GEMIN7: variants seen among roughly 807,000 people sequenced by gnomAD.
The protein encoded by GEMIN7 is gem-associated protein 7.
A neutral mutation model predicts 7.8 loss-of-function variants in GEMIN7; 7 were observed. The observed-to-expected ratio is 0.90, with a 90% confidence interval of 0.51 to 1.69. The LOEUF (loss-of-function observed/expected upper bound fraction) is 1.69, where lower values mean the gene tolerates loss of function less well. Ranked by LOEUF, GEMIN7 falls within the 40% of genes most tolerant of loss-of-function variation. GEMIN7 has a pLI of 0.00. For missense variants in GEMIN7, 159 were observed against 176.2 expected (o/e 0.90, Z 0.55); for synonymous variants, 68 against 72.4 (o/e 0.94, Z 0.31).
In GEMIN7 at chr19:45,080,521, GC is replaced by G. The variant is rs1414861668; in HGVS notation, c.-9+493del. On this transcript the variant is annotated intron_variant, in intron 2 of 2. Coordinates refer to ENST00000270257, the MANE Select transcript of GEMIN7 (RefSeq NM_024707.3). ...CTCCTGCGTAGCTGGGATTACAGAT[GC>G]GTGCCACCACATCCAGCTAATTTTT... Among the ~76,000 whole-genome samples the G allele has an allele frequency of 2.0e-5, 3 of 152,096 alleles. No homozygotes were observed. The East Asian group carries it at 5.8e-4, about 29-fold the overall frequency.
chr19:45,075,728 G>T, upstream of GEMIN7: 1 of 1,614,048 alleles, frequency 6.2e-7, no homozygotes, highest in Non-Finnish European at 8.5e-7. Context: ...CCCTGGCCGC[G>T]GCTGGGGCCT....
intron 2 of GEMIN7, among the ~76,000 whole-genome samples, chr19:45,084,232 AAG>A (rs1555736152): frequency 1.3e-5 from 2 of 148,690 alleles, no homozygotes; most frequent in East Asian, 2.0e-4. Flanking sequence ...AAAAAAAAAA[AAG>A]AAATTAAAAT....
At chr19:45,076,749 T>C (rs933575192), upstream of GEMIN7, 6 of 198,404 alleles carry the variant, frequency 3.0e-5, no homozygotes, top group African/African-American at 1.2e-4. This position sits in a 1 kb window ranked among gnomAD's most constrained non-coding sequence, Gnocchi z 4.9. Flanking sequence ...GCGAGAAAAA[T>C]AGTCGGTCAC....
intron 2 of GEMIN7, among the ~76,000 whole-genome samples, chr19:45,086,721 A>C (rs558420332): frequency 6.6e-6 from 1 of 152,312 alleles, no homozygotes; most frequent in East Asian, 1.9e-4. Flanking sequence ...GAGCCTGTTG[A>C]ATCCTGATAA....
chr19:45,076,406 A>G (rs1046380963), upstream of GEMIN7: 22 of 1,224,872 alleles, frequency 1.8e-5, no homozygotes, highest in East Asian at 7.0e-5. This position sits in a 1 kb window ranked among gnomAD's most constrained non-coding sequence, Gnocchi z 4.9. Flanking sequence ...GCGGGCGGGC[A>G]GGCAGGCAGG....
chr19:45,080,782 T>C (rs568725334), intron 2 of GEMIN7, among the ~76,000 whole-genome samples: 5 of 148,570 alleles, frequency 3.4e-5, no homozygotes, highest in Admixed American at 6.7e-5. Flanking sequence ...TTTTTTTTTT[T>C]CCTGATGGAG....
chr19:45,077,307 T>C (rs1332906926), upstream of GEMIN7, among the ~76,000 whole-genome samples: 1 of 152,200 alleles, frequency 6.6e-6, no homozygotes, highest in Non-Finnish European at 1.5e-5. Context: ...ACATCGACTC[T>C]GTTCCTAGAC....
upstream of GEMIN7, chr19:45,075,867 A>G (rs777317812): frequency 1.9e-6 from 3 of 1,613,280 alleles, no homozygotes; most frequent in South Asian, 3.3e-5. Flanking sequence ...GGCGGTCTGC[A>G]GGGAGGAAGC....
At chr19:45,077,121 T>A (rs1267107672), upstream of GEMIN7, among the ~76,000 whole-genome samples, 1 of 152,092 alleles carries the variant, frequency 6.6e-6, no homozygotes, top group Admixed American at 6.6e-5. Context: ...GCCCAGCCAG[T>A]GGGCCTGGGC....
In GEMIN7 at chr19:45,090,324, G is replaced by C. The variant is rs757198903; in HGVS notation, c.210G>C (p.Leu70=). ...AALRERYLRS[L]LAMVGHQVSF... The stretch of plus-strand genomic sequence containing the variant: ...TTCGGGAGCGTTACCTCCGCAGCCT[G>C]CTGGCCATGGTGGGTCATCAGGTGA... Residue 70 remains leucine (L), a synonymous_variant, in exon 3 of 3, where the codon CTG becomes CTC. Coordinates refer to ENST00000270257, the MANE Select transcript of GEMIN7 (RefSeq NM_024707.3). 1 of 1,614,176 alleles carries C rather than the reference G, an allele frequency of 6.2e-7. No individual in the cohort carries two copies. Among genetic ancestry groups the C allele is most frequent in the Non-Finnish European group, 8.5e-7 (1 of 1,180,038 alleles).
chr19:45,089,986 C>A, intron 2 of GEMIN7, 121 bp from the exon 3 acceptor site: 2 of 974,164 alleles, frequency 2.1e-6, no homozygotes, highest in Non-Finnish European at 3.1e-6. Flanking sequence ...GAGGGTGGAT[C>A]AGTCTGGGGC....
Position 45,082,334 on chromosome 19 carries a change from C to T in GEMIN7, c.-9+2305C>T, listed in dbSNP as rs552930606. On this transcript the variant is annotated intron_variant, in intron 2 of 2. Transcript: ENST00000270257. ...ATTCCTAATTTCATTCAGGTCTATGCTCAAACGTAATCTTATCATAGGGAT... is the reference window on the plus strand; with the variant it reads ...ATTCCTAATTTCATTCAGGTCTATGTTCAAACGTAATCTTATCATAGGGAT... Among the ~76,000 whole-genome samples, 9 of 152,322 alleles carry T rather than the reference C, an allele frequency of 5.9e-5. No individual in the cohort carries two copies. In the East Asian group the frequency reaches 1.5e-3, roughly 26 times the overall value.
intron 2 of GEMIN7, among the ~76,000 whole-genome samples, chr19:45,081,192 C>A (rs1276394726): frequency 6.6e-6 from 1 of 152,092 alleles, no homozygotes; most frequent in African/African-American, 2.4e-5. Context: ...CAAGGCCGGG[C>A]ACGGTGGCTC....
At chr19:45,087,504 T>G in intron 2 of GEMIN7, among the ~76,000 whole-genome samples, 1 of 151,678 alleles carries the variant, frequency 6.6e-6, no homozygotes, top group East Asian at 1.9e-4. Context: ...GATCCAGCAG[T>G]GGGAAAAGCA....
intron 2 of GEMIN7, among the ~76,000 whole-genome samples, chr19:45,086,515 CAT>C (rs1967694650): frequency 6.6e-6 from 1 of 152,174 alleles, no homozygotes; most frequent in South Asian, 2.1e-4. Flanking sequence ...ATGTCCCAGA[CAT>C]GTGCCAAACA....
chr19:45,081,932 C>T (rs750499545), intron 2 of GEMIN7, among the ~76,000 whole-genome samples: 1 of 152,124 alleles, frequency 6.6e-6, no homozygotes, highest in Non-Finnish European at 1.5e-5. Context: ...CTCGACCTTT[C>T]AAACATAGCC....
chr19:45,083,496 TG>T (rs1967569552), intron 2 of GEMIN7, among the ~76,000 whole-genome samples: 1 of 151,878 alleles, frequency 6.6e-6, no homozygotes, highest in Admixed American at 6.6e-5. Flanking sequence ...TATGGGCATG[TG>T]AGATCAGTAA....
upstream of GEMIN7, among the ~76,000 whole-genome samples, chr19:45,077,068 T>C (rs947621668): frequency 1.3e-5 from 2 of 151,944 alleles, no homozygotes; most frequent in African/African-American, 4.8e-5. Context: ...TTCTCCCCTA[T>C]GATGGGAAAG....
At chr19:45,077,052 T>TG (rs758249883), upstream of GEMIN7, among the ~76,000 whole-genome samples, 12 of 152,114 alleles carry the variant, frequency 7.9e-5, no homozygotes, top group Non-Finnish European at 1.6e-4. Flanking sequence ...GTTGAGGGAT[T>TG]CAATTTTCTC....
Sources: gnomAD v4.1 joint callset for allele counts (sites outside exome capture counted in the v4.1 genomes callset) on GRCh38, gnomAD v4.1.1 for gene constraint, Gnocchi (gnomAD v3.1) non-coding constraint, MANE v1.5 for transcripts, NCBI Gene and HGNC (gene_info 2026-07-23, HGNC 2026-07-21) for gene names.